The following CYREN variants were observed in gnomAD, a reference collection of about 807,000 sequenced individuals.
CYREN encodes cell cycle regulator of non-homologous end joining.
A neutral mutation model predicts 9.7 loss-of-function variants in CYREN; 7 were observed. The observed-to-expected ratio is 0.72, with a 90% CI of 0.41 to 1.36. The LOEUF (loss-of-function observed/expected upper bound fraction) is 1.36, where lower values mean the gene tolerates loss of function less well. CYREN is among the 40% of genes most tolerant of loss of function. The probability of loss-of-function intolerance (pLI) is 0.01; values close to 1 mark genes in which losing one functional copy is unlikely to be tolerated. For missense variants in CYREN, 215 were observed against 198.1 expected, an observed-to-expected ratio of 1.09 and a Z score of -0.51; for synonymous variants, 76 against 77.9, an observed-to-expected ratio of 0.98 and a Z score of 0.13.
intron 2 of CYREN, among the ~76,000 whole-genome samples, chr7:135,111,796 A>T (rs1825679187): frequency 6.6e-6 from 1 of 152,104 alleles, no homozygotes; most frequent in South Asian, 2.1e-4. Flanking sequence ...GGTCTTTCTC[A>T]CCACATACTT....
downstream of CYREN, chr7:135,164,843 C>T (rs1322832912): frequency 6.2e-7 from 1 of 1,613,888 alleles, no homozygotes; most frequent in East Asian, 2.2e-5. Flanking sequence ...TGGGCCTCTT[C>T]CTCTCCTATG....
At chr7:135,171,317 T>TC (rs201949409), upstream of CYREN, among the ~76,000 whole-genome samples, 1 of 24,494 alleles carries the variant, frequency 4.1e-5, no homozygotes, top group Non-Finnish European at 4.4e-4. Flanking sequence ...CTGTTTTTTT[T>TC]TTTTTTTTTA....
chr7:135,168,237 A>G lies in CYREN; in HGVS notation c.138-430T>C, dbSNP rs574538999. On this transcript the variant is annotated intron_variant, in intron 2 of 3. Coordinates refer to ENST00000393114, the MANE Select transcript of CYREN (RefSeq NM_024033.4). Reference sequence around the variant, plus strand: ...TTAGAGGAGGAGGAGCCAGAGAGGGAAACACCGAGTGCTGGGGCCCCGCCC... The same window carrying G: ...TTAGAGGAGGAGGAGCCAGAGAGGGGAACACCGAGTGCTGGGGCCCCGCCC... 155 of 182,570 alleles carry G rather than the reference A, an allele frequency of 8.5e-4. 1 individual carries two copies. The highest frequency in any genetic ancestry group is 3.7e-3 in the African/African-American group (141 of 38,242). 11.3% of individuals were successfully genotyped at this position (182,570 alleles called of 1,614,324 possible). A position where few individuals can be genotyped will look rare whatever the true frequency, so the allele number is the denominator to read the frequency against.
Position 135,165,838 on chromosome 7 carries a change from G to A in CYREN, c.*773C>T, listed in dbSNP as rs545228341. The A allele has an allele frequency of 6.0e-6, 1 of 167,264 alleles. No individual in the cohort carries two copies. Among genetic ancestry groups the A allele is most frequent in the South Asian group, 2.1e-4 (1 of 4,834 alleles). 10.4% of individuals were successfully genotyped at this position (167,264 alleles called of 1,614,324 possible). A position where few individuals can be genotyped will look rare whatever the true frequency, so the allele number is the denominator to read the frequency against. On this transcript the variant is annotated 3_prime_UTR_variant, in exon 4 of 4. Transcript: ENST00000393114. ...ACTTGTGTATTGGAAAACCTGTATG[G>A]CAGTGATTTATTCATATATTCCTGT...
upstream of CYREN, among the ~76,000 whole-genome samples, chr7:135,171,800 C>T (rs1453097588): frequency 2.4e-5 from 3 of 125,950 alleles, no homozygotes; most frequent in Non-Finnish European, 3.5e-5. Flanking sequence ...AGCGTCCCTG[C>T]AGAGGACTCC....
rs151305185 is a variant in CYREN at position 135,117,938 on chromosome 7, C to T, written n.357-23356G>A. ...GGAATTGGAATGAGAGATAGTGGAT[C>T]AGTCTTGCACATGAAACTGCTGTAG... On this transcript the variant is annotated intron_variant and non_coding_transcript_variant, in intron 2 of 2. Coordinates refer to the CYREN transcript ENST00000459937. Among the ~76,000 whole-genome samples the T allele has an allele frequency of 2.3e-3, 346 of 152,284 alleles. 1 individual carries two copies. The highest frequency in any genetic ancestry group is 7.6e-3 in the African/African-American group (317 of 41,562).
intron 2 of CYREN, among the ~76,000 whole-genome samples, chr7:135,158,708 A>C (rs1361297197): frequency 2.4e-5 from 1 of 42,284 alleles, no homozygotes; most frequent in African/African-American, 6.9e-5. Flanking sequence ...TGTGGAAAAG[A>C]AGCTGTGGGG....
chr7:135,128,660 A>T (rs1828299649), intron 2 of CYREN: 2 of 1,056,174 alleles, frequency 1.9e-6, no homozygotes, highest in Non-Finnish European at 2.9e-6. Flanking sequence ...TTCTTAAGGA[A>T]GAGACCCTAG....
intron 2 of CYREN, among the ~76,000 whole-genome samples, chr7:135,106,686 T>C (rs1206673918): frequency 6.6e-6 from 1 of 152,210 alleles, no homozygotes; most frequent in Non-Finnish European, 1.5e-5. Flanking sequence ...TTTATTGTTG[T>C]GGCTCTGCCA....
intron 2 of CYREN, among the ~76,000 whole-genome samples, chr7:135,131,207 A>G (rs1480247966): frequency 6.6e-6 from 1 of 152,194 alleles, no homozygotes; most frequent in Non-Finnish European, 1.5e-5. Context: ...CAAACTTAAT[A>G]CAGGAACAGA....
intron 2 of CYREN, among the ~76,000 whole-genome samples, chr7:135,142,867 C>T (rs764624192): frequency 2.6e-4 from 39 of 152,096 alleles, no homozygotes; most frequent in Non-Finnish European, 5.0e-4. Flanking sequence ...GACAGGAAAA[C>T]TCAATATTGT....
intron 2 of CYREN, among the ~76,000 whole-genome samples, chr7:135,119,248 G>C (rs80279843): frequency 6.8e-6 from 1 of 146,396 alleles, no homozygotes; most frequent in Non-Finnish European, 1.5e-5. Context: ...TTTTTTTTTT[G>C]AGACAAAGTC....
At position 135,151,589 on chromosome 7, in the gene CYREN, T is replaced by C. The variant is rs954362645; in HGVS notation, n.356+17160A>G. ...CTACCTGACTCTCCGTCAATTCCCG[T>C]TTCTCCCACTGAGCTATTGCTTCAG... On this transcript the variant is annotated intron_variant and non_coding_transcript_variant, in intron 2 of 2. Coordinates refer to the CYREN transcript ENST00000459937. The surrounding 1 kb of genome is among the most constrained non-coding windows in gnomAD (Gnocchi z 4.3). Among the ~76,000 whole-genome samples, 3 of 152,190 alleles carry C rather than the reference T, an allele frequency of 2.0e-5. No homozygotes were observed. The highest frequency in any genetic ancestry group is 1.3e-4 in the Admixed American group (2 of 15,276).
chr7:135,137,370 T>C lies in CYREN; in HGVS notation n.356+31379A>G, dbSNP rs544996124. 2.0e-5 allele frequency among the ~76,000 whole-genome samples: 3 copies of C among 151,914 alleles called. No homozygotes were observed. The East Asian group carries it at 5.8e-4, about 29-fold the overall frequency. On this transcript the variant is annotated intron_variant and non_coding_transcript_variant, in intron 2 of 2. Coordinates refer to the CYREN transcript ENST00000459937. Reference sequence around the variant, plus strand: ...AACTTAAATGCAGAGCAAAAAAGAATGAAAAATTCAGAATATCCAAAAACT... The same window carrying C: ...AACTTAAATGCAGAGCAAAAAAGAACGAAAAATTCAGAATATCCAAAAACT...
chr7:135,109,210 C>G (rs563511195), intron 2 of CYREN, among the ~76,000 whole-genome samples: 6 of 152,266 alleles, frequency 3.9e-5, no homozygotes, highest in Non-Finnish European at 8.8e-5. Context: ...GGTTAAGAAC[C>G]CTGGTTGGAG....
downstream of CYREN, chr7:135,164,475 C>G: frequency 6.2e-7 from 1 of 1,600,436 alleles, no homozygotes; most frequent in Non-Finnish European, 8.6e-7. Context: ...GCGCGACCAG[C>G]TGCTGTTCAT....
downstream of CYREN, among the ~76,000 whole-genome samples, chr7:135,162,592 G>A (rs1263307506): frequency 1.3e-5 from 2 of 152,194 alleles, no homozygotes; most frequent in Non-Finnish European, 2.9e-5. Flanking sequence ...ACATGTGCAG[G>A]GGAAATGCCC....
chr7:135,155,260 G>A (rs997783421), intron 2 of CYREN, among the ~76,000 whole-genome samples: 18 of 152,140 alleles, frequency 1.2e-4, no homozygotes, highest in Non-Finnish European at 7.3e-5. Context: ...AAGCAGCATG[G>A]ATCATGTTTT....
At chr7:135,152,991 A>G (rs1829700538) in intron 2 of CYREN, 1 of 152,250 alleles carries the variant, frequency 6.6e-6, no homozygotes, top group South Asian at 2.1e-4. Context: ...CTCAACAAGA[A>G]AAAACAATCC....
Sources: gnomAD v4.1 joint callset for allele counts (sites outside exome capture counted in the v4.1 genomes callset) on GRCh38, gnomAD v4.1.1 for gene constraint, Gnocchi (gnomAD v3.1) non-coding constraint, MANE v1.5 for transcripts, NCBI Gene and HGNC (gene_info 2026-07-23, HGNC 2026-07-21) for gene names.